FHIT: variants seen among roughly 807,000 people sequenced by gnomAD.
The protein encoded by FHIT is bis(5'-adenosyl)-triphosphatase.
In FHIT, 19 loss-of-function variants were observed where a neutral mutation model predicts 17.9. The ratio of observed to expected loss-of-function variants is 1.06; its 90% CI spans 0.74 to 1.56. FHIT has a LOEUF of 1.56. Among genes scored for constraint, FHIT ranks in the 40% most tolerant of loss-of-function variants. FHIT has a pLI of 0.00. For synonymous variants in FHIT, 81 were observed against 69.7 expected (o/e 1.16, Z -0.81); for missense variants, 248 against 189.2 (o/e 1.31, Z -1.82).
chr3:60,158,761 T>C (rs570503293), intron 5 of FHIT, among the ~76,000 whole-genome samples: 16 of 152,306 alleles, frequency 1.1e-4, no homozygotes, highest in African/African-American at 2.9e-4. Context: ...CCTTTAGAGA[T>C]GTGAGATATC....
At chr3:60,595,610 T>C (rs1486732330) in intron 4 of FHIT, among the ~76,000 whole-genome samples, 4 of 129,930 alleles carry the variant, frequency 3.1e-5, no homozygotes, top group Non-Finnish European at 4.6e-5. Flanking sequence ...CGTGTAGATA[T>C]ATGTGTGTAT....
At chr3:60,550,356 A>T (rs2036505114) in intron 4 of FHIT, among the ~76,000 whole-genome samples, 1 of 152,236 alleles carries the variant, frequency 6.6e-6, no homozygotes, top group African/African-American at 2.4e-5. Flanking sequence ...GTGAACAAAG[A>T]GAAAGAGAAG....
chr3:60,113,013 T>C (rs995254344), intron 5 of FHIT, among the ~76,000 whole-genome samples: 1 of 152,180 alleles, frequency 6.6e-6, no homozygotes, highest in Non-Finnish European at 1.5e-5. Context: ...TAGTCTATAG[T>C]GTGCCTGCTT....
chr3:60,003,035 G>A (rs948414179), intron 7 of FHIT, among the ~76,000 whole-genome samples: 1 of 152,186 alleles, frequency 6.6e-6, no homozygotes, highest in Admixed American at 6.5e-5. Flanking sequence ...CAAAGAGAAT[G>A]AATTATAATA....
intron 8 of FHIT, among the ~76,000 whole-genome samples, chr3:59,778,896 T>C (rs1575479700): frequency 1.3e-5 from 2 of 152,218 alleles, no homozygotes; most frequent in South Asian, 4.1e-4. Context: ...GTTTTACTCC[T>C]TCCCATGAAT....
intron 5 of FHIT, among the ~76,000 whole-genome samples, chr3:60,089,089 CTT>C: frequency 6.6e-6 from 1 of 152,270 alleles, no homozygotes. Flanking sequence ...GACATAGTCT[CTT>C]GTTTGGTGGG....
chr3:59,755,223 T>C (rs1701152476), intron 8 of FHIT, among the ~76,000 whole-genome samples: 1 of 152,224 alleles, frequency 6.6e-6, no homozygotes, highest in African/African-American at 2.4e-5. Context: ...ATGGGATGTC[T>C]GGCCTACAAG....
At chr3:59,804,650 T>C (rs1024574285) in intron 8 of FHIT, among the ~76,000 whole-genome samples, 3 of 152,166 alleles carry the variant, frequency 2.0e-5, no homozygotes, top group Non-Finnish European at 4.4e-5. Context: ...AGTAAAGTTA[T>C]GAAGTCATTT....
intron 4 of FHIT, among the ~76,000 whole-genome samples, chr3:60,757,538 G>C (rs1335980298): frequency 6.6e-6 from 1 of 152,232 alleles, no homozygotes; most frequent in East Asian, 1.9e-4. Flanking sequence ...TTGAAGAAAG[G>C]GTGCTGCAGG....
intron 1 of FHIT, among the ~76,000 whole-genome samples, chr3:61,225,644 T>G (rs139502022): frequency 6.6e-6 from 1 of 152,250 alleles, no homozygotes; most frequent in Non-Finnish European, 1.5e-5. Context: ...GGAGGGTTAT[T>G]GTTGATTCCT....
In FHIT at chr3:60,470,357, G is replaced by A. The variant is rs186083492; in HGVS notation, c.103+66503C>T. On this transcript the variant is annotated intron_variant, in intron 5 of 9. Coordinates refer to ENST00000492590, the MANE Select transcript of FHIT (RefSeq NM_002012.4). The stretch of plus-strand genomic sequence containing the variant: ...AGATGTTTTCTGGGAGTCACGGCCT[G>A]GAGTTGGGAAATTTAGAAATCTACT... Among the ~76,000 whole-genome samples the A allele has an allele frequency of 2.7e-3, 413 of 152,134 alleles. 7 individuals carry two copies. The highest frequency in any genetic ancestry group is 1.8e-3 in the Non-Finnish European group (123 of 68,016).
At chr3:60,812,949 G>T (rs976536062) in intron 4 of FHIT, among the ~76,000 whole-genome samples, 1 of 151,986 alleles carries the variant, frequency 6.6e-6, no homozygotes. Flanking sequence ...TATAACTATT[G>T]TAAGCAGGGG....
chr3:60,238,091 A>C (rs1704904176), intron 5 of FHIT, among the ~76,000 whole-genome samples: 1 of 147,800 alleles, frequency 6.8e-6, no homozygotes, highest in Non-Finnish European at 1.5e-5. Flanking sequence ...GGTGGCAGTG[A>C]GCCGAGATTG....
intron 2 of FHIT, among the ~76,000 whole-genome samples, chr3:61,154,503 G>T (rs28367502): frequency 1.3e-5 from 2 of 152,070 alleles, no homozygotes; most frequent in Admixed American, 1.3e-4. Flanking sequence ...GCCTGCAGTA[G>T]CCTTCTGGTA....
chr3:60,226,073 G>A (rs959897669), intron 5 of FHIT, among the ~76,000 whole-genome samples: 1 of 152,252 alleles, frequency 6.6e-6, no homozygotes, highest in Non-Finnish European at 1.5e-5. Flanking sequence ...GAAAGGGTGA[G>A]GAGATGTTAA....
intron 1 of FHIT, among the ~76,000 whole-genome samples, chr3:61,226,312 C>T (rs555962621): frequency 6.6e-6 from 1 of 152,160 alleles, no homozygotes; most frequent in Non-Finnish European, 1.5e-5. Flanking sequence ...AGATGAGGCT[C>T]CACACCTGCA....
At chr3:60,909,053 G>C (rs1706580814) in intron 3 of FHIT, among the ~76,000 whole-genome samples, 1 of 152,050 alleles carries the variant, frequency 6.6e-6, no homozygotes, top group Non-Finnish European at 1.5e-5. Context: ...TCCAGAAATT[G>C]CAGCAACTAT....
chr3:61,018,759 CTGTT>C (rs1196453843), intron 3 of FHIT, among the ~76,000 whole-genome samples: 4 of 152,154 alleles, frequency 2.6e-5, no homozygotes, highest in African/African-American at 9.7e-5. Context: ...TAATCACTGT[CTGTT>C]TTTTTAATTT....
At chr3:59,899,213 G>C (rs896152397) in intron 8 of FHIT, among the ~76,000 whole-genome samples, 2 of 152,100 alleles carry the variant, frequency 1.3e-5, no homozygotes, top group African/African-American at 4.8e-5. Flanking sequence ...TTACCTCCAG[G>C]GTCACATGCG....
Sources: gnomAD v4.1 joint callset for allele counts (sites outside exome capture counted in the v4.1 genomes callset) on GRCh38, gnomAD v4.1.1 for gene constraint, MANE v1.5 for transcripts, NCBI Gene and HGNC (gene_info 2026-07-23, HGNC 2026-07-21) for gene names.